HIPK1: variants seen among roughly 807,000 people sequenced by gnomAD.
HIPK1 encodes homeodomain interacting protein kinase 1, also known as homeodomain-interacting protein kinase 1.
In HIPK1, 28 loss-of-function variants were observed where a neutral mutation model predicts 117.1. The ratio of observed to expected loss-of-function variants is 0.24; its 90% CI spans 0.18 to 0.33. The LOEUF is 0.33. Among genes scored for constraint, HIPK1 ranks in the 10% least tolerant of loss-of-function variants. The pLI is 1.00. For missense variants in HIPK1, 1,122 were observed against 1,475.1 expected (o/e 0.76, Z 3.92); for synonymous variants, 605 against 562.5 (o/e 1.08, Z -1.07).
At position 113,954,790 on chromosome 1, in the gene HIPK1, C is replaced by T. The variant is rs1671604399; in HGVS notation, c.1320+20C>T. The T allele has an allele frequency of 1.2e-6, 2 of 1,605,762 alleles. No homozygotes were observed. The highest frequency in any genetic ancestry group is 1.7e-6 in the Non-Finnish European group (2 of 1,173,442). ...CTTAAGGTCTGTCTTCCCTACTATG[C>T]TTCCGACTCCTGTACTCCACCCCTC... On this transcript the variant is annotated intron_variant, in intron 4 of 15. Coordinates refer to ENST00000426820, the MANE Select transcript of HIPK1 (RefSeq NM_198268.3).
intron 8 of HIPK1, among the ~76,000 whole-genome samples, chr1:113,960,973 G>A (rs896434466): frequency 1.3e-5 from 2 of 152,152 alleles, no homozygotes; most frequent in African/African-American, 4.8e-5. Context: ...ATTAGTTGGT[G>A]ATAGTTGAGA....
Position 113,967,793 on chromosome 1 carries a change from C to T in HIPK1, c.2409C>T (p.Tyr803=), listed in dbSNP as rs1302836137. Reference sequence around the variant, plus strand: ...ATGCCCACTCTCATGGCAACCAGTACAGCACTATCATGCAGCAGCCATCCT... The same window carrying T: ...ATGCCCACTCTCATGGCAACCAGTATAGCACTATCATGCAGCAGCCATCCT... ...WRNAHSHGNQ[Y]STIMQQPSLL... The change falls in exon 12 of 16, where the codon TAC becomes TAT. Residue 803 remains tyrosine, a synonymous_variant. Coordinates refer to ENST00000426820, the MANE Select transcript of HIPK1 (RefSeq NM_198268.3). The T allele has an allele frequency of 1.9e-6, 3 of 1,596,494 alleles. No homozygotes were observed. Among genetic ancestry groups the T allele is most frequent in the Admixed American group, 1.8e-5 (1 of 55,078 alleles).
At chr1:113,943,250 A>G (rs1670767001) in intron 2 of HIPK1, among the ~76,000 whole-genome samples, 1 of 152,192 alleles carries the variant, frequency 6.6e-6, no homozygotes, top group African/African-American at 2.4e-5. Flanking sequence ...TTCATCACCC[A>G]AAACAGAAAT....
At chr1:113,957,592 C>G (rs1272142976) in intron 7 of HIPK1, among the ~76,000 whole-genome samples, 1 of 152,196 alleles carries the variant, frequency 6.6e-6, no homozygotes, top group Non-Finnish European at 1.5e-5. Flanking sequence ...GACTTTCTCC[C>G]TGTTAGGAGA....
intron 1 of HIPK1, among the ~76,000 whole-genome samples, chr1:113,935,539 C>T (rs1357842210): frequency 6.6e-6 from 1 of 151,986 alleles, no homozygotes; most frequent in East Asian, 1.9e-4. Flanking sequence ...GGGTATTTAC[C>T]CAGTGATGGG....
chr1:113,952,718 C>T, intron 2 of HIPK1, 48 bp from the exon 3 acceptor site: 2 of 1,307,830 alleles, frequency 1.5e-6, no homozygotes, highest in South Asian at 2.0e-5. Context: ...TTAATTTTCC[C>T]AAATAATGTT....
intron 13 of HIPK1, 41 bp downstream of exon 13, chr1:113,968,689 C>T (rs1462593407): frequency 1.3e-6 from 2 of 1,549,764 alleles, no homozygotes; most frequent in Non-Finnish European, 1.8e-6. Context: ...TGGTTTTAGA[C>T]TGTTGGCCTC....
chr1:113,975,550 C>T lies in HIPK1; in HGVS notation c.*2038C>T, dbSNP rs1049333447. 13 of 152,622 alleles carry T rather than the reference C, an allele frequency of 8.5e-5. No homozygotes were observed. The highest frequency in any genetic ancestry group is 7.2e-4 in the Admixed American group (11 of 15,276). The allele number at this position is 152,622 out of a possible 1,614,324, so 9.5% of individuals were successfully genotyped here. Reference sequence around the variant, plus strand: ...TTCCTTTTCCCATGTGGCAGTCCTTCCTGCACATAGTTGACATTCCTAGTA... The same window carrying T: ...TTCCTTTTCCCATGTGGCAGTCCTTTCTGCACATAGTTGACATTCCTAGTA... On this transcript the variant is annotated 3_prime_UTR_variant, in exon 16 of 16. Transcript: ENST00000426820.
chr1:113,953,243 T>A (rs767450347), intron 3 of HIPK1, among the ~76,000 whole-genome samples: 9 of 152,206 alleles, frequency 5.9e-5, no homozygotes, highest in Non-Finnish European at 1.3e-4. Context: ...GAACTTCTAC[T>A]TACTCGGAGC....
At chr1:113,969,483 G>A (rs536562777) in intron 13 of HIPK1, among the ~76,000 whole-genome samples, 138 of 152,300 alleles carry the variant, frequency 9.1e-4, no homozygotes, top group African/African-American at 3.1e-3. Flanking sequence ...TGTATGTGGA[G>A]CATGAGAGTA....
rs139393322 is a variant in HIPK1 at position 113,966,763 on chromosome 1, T to A, written c.2381+491T>A. ...AAATAATCCAATTACACTCTTTAAG[T>A]CATTTAAAAATGTACAATTAAGTTA... is the stretch of plus-strand genomic sequence containing the variant. On this transcript the variant is annotated intron_variant, in intron 11 of 15. Transcript: ENST00000426820. 1.1e-3 allele frequency among the ~76,000 whole-genome samples: 173 copies of A among 152,244 alleles called. 1 individual carries two copies. Among genetic ancestry groups the A allele is most frequent in the African/African-American group, 4.0e-3 (168 of 41,518 alleles).
chr1:113,957,949 G>A, intron 7 of HIPK1, 117 bp from the exon 8 acceptor site: 2 of 773,518 alleles, frequency 2.6e-6, no homozygotes, highest in Non-Finnish European at 4.2e-6. Context: ...TTCAGAGGCA[G>A]TTAACATTAC....
chr1:113,932,469 A>G (rs1257045380), intron 1 of HIPK1, among the ~76,000 whole-genome samples: 2 of 150,914 alleles, frequency 1.3e-5, no homozygotes, highest in Non-Finnish European at 2.9e-5. Flanking sequence ...TGGTGGGTTC[A>G]AGTGATTCTC....
chr1:113,933,999 C>T (rs1461943491), intron 1 of HIPK1, among the ~76,000 whole-genome samples: 2 of 152,070 alleles, frequency 1.3e-5, no homozygotes, highest in African/African-American at 4.8e-5. Flanking sequence ...ATTTTCTTCC[C>T]AAACTTGTCT....
At chr1:113,968,020 T>G in intron 12 of HIPK1, 72 bp downstream of exon 12, 2 of 1,344,276 alleles carry the variant, frequency 1.5e-6, no homozygotes, top group Non-Finnish European at 2.1e-6. Flanking sequence ...ATTTGGAATA[T>G]TGTATAGACA....
chr1:113,966,072 G>A, intron 10 of HIPK1, 58 bp from the exon 11 acceptor site: 3 of 1,530,576 alleles, frequency 2.0e-6, no homozygotes, highest in Non-Finnish European at 2.6e-6. Context: ...TAAAAAAACA[G>A]AAGAAAAAGC....
chr1:113,951,797 A>G (rs762072563), intron 2 of HIPK1, among the ~76,000 whole-genome samples: 1 of 152,176 alleles, frequency 6.6e-6, no homozygotes, highest in African/African-American at 2.4e-5. Context: ...ACCTGCAGCT[A>G]TTAAATGATG....
chr1:113,941,494 T>C lies in HIPK1; in HGVS notation c.1076+35T>C. Reference sequence around the variant, plus strand: ...AAATGCTGAAAATCGTATCTTAGGCTAGAGTTCTGTCCTTATATTTAACAT... The same window carrying C: ...AAATGCTGAAAATCGTATCTTAGGCCAGAGTTCTGTCCTTATATTTAACAT... On this transcript the variant is annotated intron_variant, in intron 2 of 15. Transcript: ENST00000426820. The surrounding 1 kb of genome is among the most constrained non-coding windows in gnomAD (Gnocchi z 4.9). The C allele has an allele frequency of 6.6e-7, 1 of 1,523,754 alleles. No homozygotes were observed. Among genetic ancestry groups the C allele is most frequent in the Non-Finnish European group, 9.0e-7 (1 of 1,109,310 alleles). 94.4% of individuals were successfully genotyped at this position (1,523,754 alleles called of 1,614,324 possible).
chr1:113,975,035 AAGGAG>A lies in HIPK1; in HGVS notation c.*1530_*1534del, dbSNP rs1371426543. On this transcript the variant is annotated 3_prime_UTR_variant, in exon 16 of 16. Coordinates refer to ENST00000426820, the MANE Select transcript of HIPK1 (RefSeq NM_198268.3). ...CTGAATGAGCAGGGGCATTGCCTGC[AAGGAG>A]AGGAGACCCTTGGAATTGTTTTGCA... 1 of 152,846 alleles carries A rather than the reference AAGGAG, an allele frequency of 6.5e-6. No homozygotes were observed. The highest frequency in any genetic ancestry group is 1.5e-5 in the Non-Finnish European group (1 of 68,054). 9.5% of individuals were successfully genotyped at this position (152,846 alleles called of 1,614,324 possible).
Sources: gnomAD v4.1 joint callset for allele counts (sites outside exome capture counted in the v4.1 genomes callset) on GRCh38, gnomAD v4.1.1 for gene constraint, Gnocchi (gnomAD v3.1) non-coding constraint, MANE v1.5 for transcripts, NCBI Gene and HGNC (gene_info 2026-07-23, HGNC 2026-07-21) for gene names.